The following PRLR variants were observed in gnomAD, a reference collection of about 807,000 sequenced individuals.
PRLR encodes the protein prolactin receptor.
Under a neutral mutation model 40.2 loss-of-function variants are expected in PRLR, and 13 were observed. That is an observed-to-expected ratio of 0.32 (90% CI 0.21 to 0.51). The LOEUF is 0.51. PRLR is among the 20% of genes least tolerant of loss of function. The pLI is 0.97. For missense variants in PRLR, 656 were observed against 747.3 expected, an observed-to-expected ratio of 0.88 and a Z score of 1.42; for synonymous variants, 269 against 278.7, an observed-to-expected ratio of 0.97 and a Z score of 0.35.
intron 1 of PRLR, among the ~76,000 whole-genome samples, chr5:35,216,059 GAAAAA>G (rs1050840592): frequency 6.9e-6 from 1 of 144,620 alleles, no homozygotes; most frequent in African/African-American, 2.5e-5. Flanking sequence ...AAAGGGAAAA[GAAAAA>G]AAAAAGAAAT....
rs575029150 is a variant in PRLR, at chr5:35,061,993, CT to C, written c.*3095del. ...TATGTCTCTTCTCAATCTCCTGCCTCTTTTTTTAAATGCCTCTTTCTACACA... is the reference window on the plus strand; with the variant it reads ...TATGTCTCTTCTCAATCTCCTGCCTCTTTTTTAAATGCCTCTTTCTACACA... On this transcript the variant is annotated 3_prime_UTR_variant, in exon 10 of 10. Coordinates refer to ENST00000618457, the MANE Select transcript of PRLR (RefSeq NM_000949.7). 1.3e-5 allele frequency: 2 copies of C among 152,058 alleles called. No individual in the cohort carries two copies. Among genetic ancestry groups the C allele is most frequent in the Admixed American group, 1.3e-4 (2 of 15,268 alleles). The allele number at this position is 152,058 out of a possible 1,614,324, so 9.4% of individuals were successfully genotyped here.
intron 3 of PRLR, among the ~76,000 whole-genome samples, chr5:35,087,178 A>C (rs982975386): frequency 6.6e-6 from 1 of 151,806 alleles, no homozygotes; most frequent in Non-Finnish European, 1.5e-5. Flanking sequence ...TTTTAGTAGA[A>C]ATGGGGTTTC....
At chr5:35,164,466 C>T (rs901902443) in intron 1 of PRLR, among the ~76,000 whole-genome samples, 6 of 151,902 alleles carry the variant, frequency 3.9e-5, no homozygotes, top group South Asian at 4.2e-4. Context: ...AAAGGCATTC[C>T]GGGCAATGAA....
chr5:35,195,092 T>C (rs1366617191), intron 1 of PRLR: 2 of 152,212 alleles, frequency 1.3e-5, no homozygotes, highest in Non-Finnish European at 2.9e-5. Context: ...AAAAAAATCA[T>C]CTCAACTCAC....
In PRLR at chr5:35,133,956, C is replaced by T. The variant is rs540754394; in HGVS notation, c.-105-15834G>A. Among the ~76,000 whole-genome samples, 4 of 152,258 alleles carry T rather than the reference C, an allele frequency of 2.6e-5. No homozygotes were observed. The South Asian group carries it at 8.3e-4, about 32-fold the overall frequency. ...CAAATGGAAAACCAAACATTGTATG[C>T]TCTCACTCATAAGTGGGAGCTAAAC... On this transcript the variant is annotated intron_variant, in intron 1 of 9. Coordinates refer to ENST00000618457, the MANE Select transcript of PRLR (RefSeq NM_000949.7).
chr5:35,186,264 T>C (rs1775427517), intron 1 of PRLR, among the ~76,000 whole-genome samples: 1 of 148,554 alleles, frequency 6.7e-6, no homozygotes, highest in South Asian at 2.1e-4. Flanking sequence ...CTGGTTTCTT[T>C]AAAAAAATTT....
chr5:35,173,838 C>T (rs189679618), intron 1 of PRLR, among the ~76,000 whole-genome samples: 355 of 152,026 alleles, frequency 2.3e-3, no homozygotes, highest in Non-Finnish European at 4.3e-3. Flanking sequence ...TTTCTTTTTA[C>T]TTTTTTTATT....
intron 1 of PRLR, among the ~76,000 whole-genome samples, chr5:35,185,319 C>T (rs927603542): frequency 6.6e-6 from 1 of 152,118 alleles, no homozygotes; most frequent in African/African-American, 2.4e-5. Flanking sequence ...ATGAAATTCT[C>T]TTTATTCCAC....
At chr5:35,052,055 A>G (rs1363342563), downstream of PRLR, among the ~76,000 whole-genome samples, 1 of 152,208 alleles carries the variant, frequency 6.6e-6, no homozygotes, top group Admixed American at 6.5e-5. Context: ...AAATATATAA[A>G]GCAAAAACTG....
Position 35,072,692 on chromosome 5 carries a change from G to C in PRLR, c.426C>G (p.Asp142Glu). 1.2e-6 allele frequency: 2 copies of C among 1,614,176 alleles called. No homozygotes were observed. Among genetic ancestry groups the C allele is most frequent in the Non-Finnish European group, 1.7e-6 (2 of 1,180,022 alleles). The stretch of plus-strand genomic sequence containing the variant: ...ATTTAATCCACAGGTAGGGTTTTCT[G>C]TCTTCTGGCTGTTTTACTTCCACAG... ...ELAVEVKQPE[D>E]RKPYLWIKWS... Residue 142 changes from aspartate (D) to glutamate (E), a missense_variant, in exon 6 of 10, where the codon GAC becomes GAG. Asp to Glu is a conservative substitution (Grantham distance 45). Coordinates refer to ENST00000618457, the MANE Select transcript of PRLR (RefSeq NM_000949.7).
At chr5:35,207,464 ATGAG>A (rs1173246528) in intron 1 of PRLR, among the ~76,000 whole-genome samples, 1 of 152,178 alleles carries the variant, frequency 6.6e-6, no homozygotes, top group Non-Finnish European at 1.5e-5. Flanking sequence ...CAGGACCTAT[ATGAG>A]TAAGACTATA....
Position 35,118,050 on chromosome 5 carries a change from G to T in PRLR, c.-44+11C>A. Reference sequence around the variant, plus strand: ...GTGTGACCGAGGGGCATGAGAACAAGTCCCCCTTACCTTCAGGGTTCATGT... The same window carrying T: ...GTGTGACCGAGGGGCATGAGAACAATTCCCCCTTACCTTCAGGGTTCATGT... On this transcript the variant is annotated intron_variant, in intron 2 of 9. Transcript: ENST00000618457. 3 of 984,006 alleles carry T rather than the reference G, an allele frequency of 3.0e-6. No homozygotes were observed. The highest frequency in any genetic ancestry group is 3.6e-6 in the Non-Finnish European group (3 of 828,260). The allele number at this position is 984,006 out of a possible 1,614,324, so 61.0% of individuals were successfully genotyped here.
intron 2 of PRLR, among the ~76,000 whole-genome samples, chr5:35,105,929 T>C (rs1190096701): frequency 6.6e-6 from 1 of 152,164 alleles, no homozygotes; most frequent in African/African-American, 2.4e-5. Flanking sequence ...AATTGTCAGA[T>C]TCACCAAAGT....
chr5:35,101,975 G>A (rs899658360), intron 2 of PRLR, among the ~76,000 whole-genome samples: 11 of 151,636 alleles, frequency 7.3e-5, no homozygotes, highest in African/African-American at 9.7e-5. Flanking sequence ...TTACAGGTGC[G>A]TGCCACCATG....
At chr5:35,189,227 A>G (rs534621023) in intron 1 of PRLR, among the ~76,000 whole-genome samples, 50 of 152,312 alleles carry the variant, frequency 3.3e-4, no homozygotes, top group African/African-American at 1.2e-3. Context: ...TCACAGTACC[A>G]GAAGAGATCC....
chr5:35,097,194 T>C (rs1771585869), intron 2 of PRLR, among the ~76,000 whole-genome samples: 2 of 152,262 alleles, frequency 1.3e-5, no homozygotes, highest in South Asian at 4.1e-4. Context: ...AAGCCTCCCA[T>C]GTTCTCAGAC....
At chr5:35,200,888 A>T (rs1775866091) in intron 1 of PRLR, among the ~76,000 whole-genome samples, 1 of 152,198 alleles carries the variant, frequency 6.6e-6, no homozygotes, top group Non-Finnish European at 1.5e-5. Context: ...GTTAGAATTC[A>T]AACCCAGATC....
intron 1 of PRLR, among the ~76,000 whole-genome samples, chr5:35,220,235 C>T (rs901617057): frequency 1.3e-5 from 2 of 152,182 alleles, no homozygotes; most frequent in Admixed American, 1.3e-4. Context: ...CCCATGACCT[C>T]GGGCCCTCCT....
Position 35,137,114 on chromosome 5 carries a change from C to T in PRLR, c.-105-18992G>A, listed in dbSNP as rs532834025. ...AGCAAACGTTTACTGAGGGTGAGGA[C>T]GCATGCAATAACACTCTACTTTTTA... On this transcript the variant is annotated intron_variant, in intron 1 of 9. Transcript: ENST00000618457. Among the ~76,000 whole-genome samples the T allele has an allele frequency of 4.6e-5, 7 of 152,210 alleles. No individual in the cohort carries two copies. The East Asian group carries it at 9.7e-4, about 21-fold the overall frequency.
Sources: allele counts gnomAD v4.1 joint callset (sites outside exome capture counted in the v4.1 genomes callset), GRCh38; gene constraint gnomAD v4.1.1; transcripts MANE v1.5; gene names NCBI Gene and HGNC (gene_info 2026-07-23, HGNC 2026-07-21).